Variants in LUZP2 observed in about 807,000 individuals in gnomAD.
LUZP2 encodes leucine zipper protein 2.
In LUZP2, 52 loss-of-function variants were observed where a neutral mutation model predicts 51.6. The observed-to-expected ratio is 1.01, with a 90% CI of 0.81 to 1.27. The LOEUF is 1.27. Ranked by LOEUF, LUZP2 falls within the 50% of genes most tolerant of loss-of-function variation. The probability of loss-of-function intolerance (pLI) is 0.00; values close to 1 mark genes in which losing one functional copy is unlikely to be tolerated. For synonymous variants in LUZP2, 154 were observed against 137.3 expected (o/e 1.12, Z -0.85); for missense variants, 436 against 395.4 (o/e 1.10, Z -0.87).
At chr11:24,689,693 A>G (rs2133886319) in intron 1 of LUZP2, among the ~76,000 whole-genome samples, 1 of 152,136 alleles carries the variant, frequency 6.6e-6, no homozygotes, top group South Asian at 2.1e-4. Context: ...CCTTTATCTA[A>G]CTTTATTTTT....
intron 1 of LUZP2, among the ~76,000 whole-genome samples, chr11:24,685,575 A>T (rs752899005): frequency 5.3e-5 from 8 of 152,058 alleles, no homozygotes; most frequent in Non-Finnish European, 1.0e-4. Context: ...CTAATATCAA[A>T]CATTCTCCTC....
At chr11:24,575,484 C>A (rs79781813) in intron 1 of LUZP2, among the ~76,000 whole-genome samples, 2,133 of 152,240 alleles carry the variant, frequency 0.014, 38 homozygotes, top group South Asian at 0.058. Context: ...TGTATTTATT[C>A]ATGCTATCAG....
intron 7 of LUZP2, among the ~76,000 whole-genome samples, chr11:24,926,428 TATATATATAC>T (rs1854262271): frequency 6.9e-6 from 1 of 145,238 alleles, no homozygotes; most frequent in Non-Finnish European, 1.5e-5. Flanking sequence ...TATATGTGTG[TATATATATAC>T]GTGTATATAT....
rs896259510 is a variant in LUZP2, at chr11:24,891,485, G to A, written c.397-14506G>A. The A allele has an allele frequency of 1.5e-5, 14 of 952,742 alleles. No homozygotes were observed. The African/African-American group carries it at 2.3e-4, about 16-fold the overall frequency. 59.0% of individuals were successfully genotyped at this position (952,742 alleles called of 1,614,324 possible). A position where few individuals can be genotyped will look rare whatever the true frequency, so the allele number is the denominator to read the frequency against. On this transcript the variant is annotated intron_variant, in intron 5 of 11. Transcript: ENST00000336930. ...GAAGATTTAAATACTTTACTATAAA[G>A]CTATATTATTATACTTTATGCGAAA...
Position 24,890,113 on chromosome 11 carries a change from G to A in LUZP2, c.397-15878G>A, listed in dbSNP as rs551289080. 9.9e-5 allele frequency among the ~76,000 whole-genome samples: 15 copies of A among 152,146 alleles called. No individual in the cohort carries two copies. The South Asian group carries it at 3.1e-3, about 32-fold the overall frequency. On this transcript the variant is annotated intron_variant, in intron 5 of 11. Coordinates refer to ENST00000336930, the MANE Select transcript of LUZP2 (RefSeq NM_001009909.4). ...ATGGAGATTAGATTACATGATATACGAATTTCCCTCTAAGAAGTGTATAAT... is the reference window on the plus strand; with the variant it reads ...ATGGAGATTAGATTACATGATATACAAATTTCCCTCTAAGAAGTGTATAAT...
chr11:24,991,390 G>GTATATATATA (rs748533379), intron 9 of LUZP2, among the ~76,000 whole-genome samples: 35 of 63,552 alleles, frequency 5.5e-4, no homozygotes, highest in South Asian at 1.3e-3. Flanking sequence ...GTGTGTGTGT[G>GTATATATATA]TGTGTGTATA....
chr11:24,657,497 A>G (rs557925737), intron 1 of LUZP2, among the ~76,000 whole-genome samples: 1 of 152,302 alleles, frequency 6.6e-6, no homozygotes, highest in South Asian at 2.1e-4. Context: ...AACTGGAGGC[A>G]TTCCCTTTGA....
intron 4 of LUZP2, among the ~76,000 whole-genome samples, chr11:24,740,903 G>A (rs1190962840): frequency 6.6e-6 from 1 of 151,996 alleles, no homozygotes; most frequent in Non-Finnish European, 1.5e-5. Context: ...GCACTGTTGA[G>A]CAGAAGATGT....
chr11:24,808,996 T>C (rs1590567669), intron 5 of LUZP2, among the ~76,000 whole-genome samples: 1 of 152,106 alleles, frequency 6.6e-6, no homozygotes, highest in Non-Finnish European at 1.5e-5. Context: ...TTTTGGAAGA[T>C]AGGTGAAGTC....
At chr11:24,819,768 AT>A (rs36112701) in intron 5 of LUZP2, among the ~76,000 whole-genome samples, 46,270 of 151,812 alleles carry the variant, frequency 0.3, 7,602 homozygotes, top group African/African-American at 0.41. Context: ...TAGGCTAGTT[AT>A]TTTTTTAGGA....
chr11:25,006,909 G>C (rs368494587), intron 9 of LUZP2, among the ~76,000 whole-genome samples: 1 of 152,178 alleles, frequency 6.6e-6, no homozygotes, highest in Admixed American at 6.5e-5. Flanking sequence ...CAAGCGGGTT[G>C]CTGCTGCTGG....
chr11:24,931,342 TTTC>T (rs1314014684), intron 7 of LUZP2, among the ~76,000 whole-genome samples: 3 of 152,170 alleles, frequency 2.0e-5, no homozygotes, highest in African/African-American at 7.2e-5. Context: ...TCCGAAGTTC[TTTC>T]TTCTTGTTGT....
At chr11:25,017,381 A>C (rs1344776891) in intron 9 of LUZP2, among the ~76,000 whole-genome samples, 1 of 151,882 alleles carries the variant, frequency 6.6e-6, no homozygotes, top group East Asian at 1.9e-4. Flanking sequence ...ATTTTCTTTT[A>C]GTGTTTTTAT....
chr11:24,940,310 T>C (rs1590754793), intron 7 of LUZP2, among the ~76,000 whole-genome samples: 1 of 152,188 alleles, frequency 6.6e-6, no homozygotes, highest in East Asian at 1.9e-4. Context: ...ATATTCAGGG[T>C]AGTAAGGAAA....
chr11:24,726,380 C>T (rs10767243), intron 1 of LUZP2, among the ~76,000 whole-genome samples: 54,178 of 151,548 alleles, frequency 0.36, 10,090 homozygotes, highest in Non-Finnish European at 0.41. Context: ...AGCTGATAGG[C>T]AATTTACCAG....
At chr11:24,865,608 C>T (rs1045510177) in intron 5 of LUZP2, among the ~76,000 whole-genome samples, 10 of 152,084 alleles carry the variant, frequency 6.6e-5, no homozygotes, top group Non-Finnish European at 1.5e-4. Flanking sequence ...GTCTCACTCC[C>T]TCTCTCATTT....
chr11:24,841,752 GC>G (rs1384623328), intron 5 of LUZP2, among the ~76,000 whole-genome samples: 2 of 152,046 alleles, frequency 1.3e-5, no homozygotes, highest in Non-Finnish European at 2.9e-5. Flanking sequence ...TAGGCCTTGG[GC>G]CCTAGCAGGT....
chr11:24,726,439 G>A (rs531265852), intron 1 of LUZP2, among the ~76,000 whole-genome samples: 1 of 151,178 alleles, frequency 6.6e-6, no homozygotes, highest in Non-Finnish European at 1.5e-5. Flanking sequence ...ATAAATACAT[G>A]TACCTACTAA....
chr11:25,062,800 T>C (rs1858882970), intron 10 of LUZP2, among the ~76,000 whole-genome samples: 1 of 151,390 alleles, frequency 6.6e-6, no homozygotes, highest in South Asian at 2.1e-4. Context: ...TCATATTATA[T>C]GCTACCAGAT....
Sources: gnomAD v4.1 joint callset for allele counts (sites outside exome capture counted in the v4.1 genomes callset) on GRCh38, gnomAD v4.1.1 for gene constraint, MANE v1.5 for transcripts, NCBI Gene and HGNC (gene_info 2026-07-23, HGNC 2026-07-21) for gene names.